Variants in ZFYVE16 observed in about 807,000 individuals in gnomAD.
ZFYVE16 encodes the protein zinc finger FYVE-type containing 16.
Under a neutral mutation model 138.1 loss-of-function variants are expected in ZFYVE16, and 89 were observed. The observed-to-expected ratio is 0.64, with a 90% CI of 0.54 to 0.77. The LOEUF is 0.77. ZFYVE16 is among the 30% of genes least tolerant of loss of function. The pLI is 0.00. For missense variants in ZFYVE16, 1,793 were observed against 1,786.7 expected, an observed-to-expected ratio of 1.00 and a Z score of -0.06; for synonymous variants, 596 against 618.3, an observed-to-expected ratio of 0.96 and a Z score of 0.53.
At position 80,477,496 on chromosome 5, in the gene ZFYVE16, G is replaced by A. The variant is rs1755031454; in HGVS notation, c.*119G>A. ...TATGTCTGATTTTTGAAACACATAA[G>A]CTTTGCTCTTTAGGCAGGAATGATC... On this transcript the variant is annotated 3_prime_UTR_variant, in exon 19 of 19. Coordinates refer to ENST00000505560, the MANE Select transcript of ZFYVE16 (RefSeq NM_001284236.3). The A allele has an allele frequency of 2.2e-6, 2 of 922,882 alleles. No individual in the cohort carries two copies. Among genetic ancestry groups the A allele is most frequent in the African/African-American group, 3.5e-5 (2 of 57,188 alleles). 57.2% of individuals were successfully genotyped at this position (922,882 alleles called of 1,614,324 possible). A position where few individuals can be genotyped will look rare whatever the true frequency, so the allele number is the denominator to read the frequency against.
chr5:80,431,353 A>G (rs901979529), intron 2 of ZFYVE16, among the ~76,000 whole-genome samples: 3 of 152,244 alleles, frequency 2.0e-5, no homozygotes, highest in Admixed American at 6.5e-5. Context: ...GATTATCTCA[A>G]TAGATGCAGA....
At chr5:80,459,568 T>A in intron 15 of ZFYVE16, 74 bp downstream of exon 15, 1 of 1,305,764 alleles carries the variant, frequency 7.7e-7, no homozygotes, top group Non-Finnish European at 1.1e-6. Flanking sequence ...TATTTGATAT[T>A]TACACAAGAA....
At chr5:80,467,327 G>C (rs545831117) in intron 15 of ZFYVE16, among the ~76,000 whole-genome samples, 105 of 152,318 alleles carry the variant, frequency 6.9e-4, no homozygotes, top group African/African-American at 2.4e-3. Flanking sequence ...GACCTGGGAA[G>C]GTCCTATGTG....
In ZFYVE16 at chr5:80,451,624, T is replaced by C; in HGVS notation, c.3522T>C (p.Cys1174=). 6.2e-7 allele frequency: 1 copy of C among 1,613,978 alleles called. No homozygotes were observed. Among genetic ancestry groups the C allele is most frequent in the Non-Finnish European group, 8.5e-7 (1 of 1,179,932 alleles). Residue 1174 remains cysteine (C), a synonymous_variant, in exon 11 of 19, where the codon TGT becomes TGC. Transcript: ENST00000505560. The part of the protein sequence containing the change: ...DLSLPSNPFL[C]GILIQKLEIP... Reference sequence around the variant, plus strand: ...CATTACCAAGTAATCCTTTTCTTTGTGGAATTCTTATCCAGAAGCTTGAGA... The same window carrying C: ...CATTACCAAGTAATCCTTTTCTTTGCGGAATTCTTATCCAGAAGCTTGAGA...
chr5:80,448,455 G>T (rs1359972180), intron 8 of ZFYVE16, 51 bp downstream of exon 8: 1 of 1,363,446 alleles, frequency 7.3e-7, no homozygotes, highest in South Asian at 2.0e-5. Flanking sequence ...ATATACTGAT[G>T]AATTTTATCT....
At position 80,480,608 on chromosome 5, in the gene ZFYVE16, A is replaced by G. The variant is rs1755230499; in HGVS notation, c.*3231A>G. The stretch of plus-strand genomic sequence containing the variant: ...AGAAGCCAGACAAATCCCAAACAGA[A>G]TAAACTAGAAAATCCACACATAGAC... On this transcript the variant is annotated 3_prime_UTR_variant, in exon 19 of 19. Coordinates refer to ENST00000505560, the MANE Select transcript of ZFYVE16 (RefSeq NM_001284236.3). 6.6e-6 allele frequency among the ~76,000 whole-genome samples: 1 copy of G among 152,170 alleles called. No individual in the cohort carries two copies. The highest frequency in any genetic ancestry group is 2.4e-5 in the African/African-American group (1 of 41,442).
chr5:80,449,750 A>G (rs376623155), intron 9 of ZFYVE16, 37 bp downstream of exon 9: 8 of 1,553,844 alleles, frequency 5.1e-6, no homozygotes, highest in Non-Finnish European at 6.1e-6. Context: ...TTAATTGGTA[A>G]GCAGGATTTC....
chr5:80,447,345 A>T (rs1023545140), intron 7 of ZFYVE16, among the ~76,000 whole-genome samples: 4 of 151,784 alleles, frequency 2.6e-5, no homozygotes, highest in Non-Finnish European at 4.4e-5. Context: ...TGGTAGAAAC[A>T]TATGCTGTTT....
Position 80,434,108 on chromosome 5 carries a change from G to T in ZFYVE16, c.-39-1G>T. 1 of 1,556,048 alleles carries T rather than the reference G, an allele frequency of 6.4e-7. No individual in the cohort carries two copies. The highest frequency in any genetic ancestry group is 8.8e-7 in the Non-Finnish European group (1 of 1,134,422). ...ATATTATTATACTTTCTATTTTTTA[G>T]GCATACAAGAATTAAATTCTGAATA... On this transcript the variant is annotated splice_acceptor_variant, in intron 2 of 18. Coordinates refer to ENST00000505560, the MANE Select transcript of ZFYVE16 (RefSeq NM_001284236.3). LOFTEE classifies it low-confidence loss of function (5UTR_SPLICE).
In ZFYVE16 at chr5:80,410,631, C is replaced by T. The variant is rs149651175; in HGVS notation, c.-94+2478C>T. ...CTTTCGCCAGGCTGGAGTGCAGTGGCGTGATCTCGGCTCACTGTAACCTCT... is the reference window on the plus strand; with the variant it reads ...CTTTCGCCAGGCTGGAGTGCAGTGGTGTGATCTCGGCTCACTGTAACCTCT... On this transcript the variant is annotated intron_variant, in intron 1 of 18. Coordinates refer to ENST00000505560, the MANE Select transcript of ZFYVE16 (RefSeq NM_001284236.3). 5.3e-3 allele frequency among the ~76,000 whole-genome samples: 799 copies of T among 151,802 alleles called. 4 individuals carry two copies. Among genetic ancestry groups the T allele is most frequent in the African/African-American group, 0.018 (738 of 41,364 alleles).
At chr5:80,414,330 TC>T (rs1474627156) in intron 1 of ZFYVE16, among the ~76,000 whole-genome samples, 3 of 152,208 alleles carry the variant, frequency 2.0e-5, no homozygotes, top group East Asian at 3.8e-4. Context: ...ACAACTCTCT[TC>T]CTGGACTGCC....
chr5:80,459,321 G>A (rs962601012), intron 14 of ZFYVE16, 93 bp from the exon 15 acceptor site: 2 of 938,190 alleles, frequency 2.1e-6, no homozygotes, highest in South Asian at 1.7e-5. Context: ...CATTTATTGA[G>A]TACTTATATG....
chr5:80,410,384 T>C (rs1341844991), intron 1 of ZFYVE16: 1 of 152,140 alleles, frequency 6.6e-6, no homozygotes, highest in Non-Finnish European at 1.5e-5. Flanking sequence ...TTTTAAAAAA[T>C]TGTTTCAATT....
At chr5:80,459,332 C>A in intron 14 of ZFYVE16, 82 bp from the exon 15 acceptor site, 1 of 1,134,124 alleles carries the variant, frequency 8.8e-7, no homozygotes, top group Non-Finnish European at 1.3e-6. Context: ...TACTTATATG[C>A]ATATCCACAT....
chr5:80,439,756 C>T (rs1463280258), intron 4 of ZFYVE16, among the ~76,000 whole-genome samples, 180 bp from the exon 5 acceptor site: 2 of 152,044 alleles, frequency 1.3e-5, no homozygotes, highest in East Asian at 3.9e-4. Context: ...GCAGAAACCT[C>T]ATTTAAGTTA....
chr5:80,445,168 G>A, intron 6 of ZFYVE16, 95 bp from the exon 7 acceptor site: 1 of 1,442,108 alleles, frequency 6.9e-7, no homozygotes, highest in South Asian at 1.4e-5. Context: ...CCAGTGGATA[G>A]CAAAAAGCTT....
At chr5:80,473,033 C>G in intron 16 of ZFYVE16, 110 bp downstream of exon 16, 1 of 984,716 alleles carries the variant, frequency 1.0e-6, no homozygotes, top group South Asian at 2.3e-5. Flanking sequence ...CTTATACCAT[C>G]AATTTAAATG....
chr5:80,443,324 A>G (rs774997806), intron 6 of ZFYVE16, 40 bp downstream of exon 6: 4 of 1,577,800 alleles, frequency 2.5e-6, no homozygotes, highest in Non-Finnish European at 2.6e-6. Flanking sequence ...AAGATAAATT[A>G]TTGAAATAGA....
At chr5:80,470,064 C>CATGTGTGT (rs1491317422) in intron 15 of ZFYVE16, among the ~76,000 whole-genome samples, 10 of 59,522 alleles carry the variant, frequency 1.7e-4, no homozygotes, top group Middle Eastern at 0.016. Context: ...TGTATATATA[C>CATGTGTGT]GTGTGTGTGT....
Sources: gnomAD v4.1 joint callset for allele counts (sites outside exome capture counted in the v4.1 genomes callset) on GRCh38, gnomAD v4.1.1 for gene constraint, MANE v1.5 for transcripts, NCBI Gene and HGNC (gene_info 2026-07-23, HGNC 2026-07-21) for gene names.